The following HERC6 variants were observed in gnomAD, a reference collection of about 807,000 sequenced individuals.
HERC6 encodes the protein probable E3 ubiquitin-protein ligase HERC6.
Under a neutral mutation model 114.5 loss-of-function variants are expected in HERC6, and 101 were observed. That is an observed-to-expected ratio of 0.88 (90% confidence interval 0.75 to 1.04). The LOEUF is 1.04. Among genes scored for constraint, HERC6 ranks in the 50% least tolerant of loss-of-function variants. The pLI, the probability that HERC6 is intolerant of heterozygous loss-of-function variation, is 0.00. For missense variants in HERC6, 1,133 were observed against 1,230.9 expected, an observed-to-expected ratio of 0.92 and a Z score of 1.19; for synonymous variants, 408 against 436.2, an observed-to-expected ratio of 0.94 and a Z score of 0.81.
chr4:88,386,498 G>T (rs1242887160), intron 3 of HERC6, among the ~76,000 whole-genome samples: 1 of 152,100 alleles, frequency 6.6e-6, no homozygotes, highest in African/African-American at 2.4e-5. Flanking sequence ...GAGCCACTGT[G>T]CCCGGTCCCC....
In HERC6 at chr4:88,442,919, T is replaced by C; in HGVS notation, c.*459T>C. The C allele has an allele frequency of 5.5e-6, 1 of 182,942 alleles. No individual in the cohort carries two copies. Among genetic ancestry groups the C allele is most frequent in the Non-Finnish European group, 1.2e-5 (1 of 85,228 alleles). 11.3% of individuals were successfully genotyped at this position (182,942 alleles called of 1,614,324 possible). A position where few individuals can be genotyped will look rare whatever the true frequency, so the allele number is the denominator to read the frequency against. ...GTCTCTAATTGGCTGTGAGTCAGTCTTTCATTTACATAGGGTGTAACCATC... is the reference window on the plus strand; with the variant it reads ...GTCTCTAATTGGCTGTGAGTCAGTCCTTCATTTACATAGGGTGTAACCATC... On this transcript the variant is annotated 3_prime_UTR_variant, in exon 23 of 23. Coordinates refer to ENST00000264346, the MANE Select transcript of HERC6 (RefSeq NM_017912.4).
At chr4:88,424,075 AT>A (rs1560562795) in intron 14 of HERC6, 102 bp downstream of exon 14, 1 of 580,196 alleles carries the variant, frequency 1.7e-6, no homozygotes, top group South Asian at 2.6e-5. Flanking sequence ...GGATTTGAAA[AT>A]TTTTTAATTG....
chr4:88,433,485 C>A (rs974720280), intron 17 of HERC6, among the ~76,000 whole-genome samples: 9 of 152,102 alleles, frequency 5.9e-5, no homozygotes, highest in Admixed American at 2.0e-4. Context: ...TTAATCCACT[C>A]ATGGATTAAT....
chr4:88,383,185 T>C (rs750123624), intron 1 of HERC6, 36 bp from the exon 2 acceptor site: 2 of 1,596,534 alleles, frequency 1.3e-6, no homozygotes, highest in East Asian at 4.5e-5. Flanking sequence ...TAATCTGCAG[T>C]GGTGGTTGGG....
intron 17 of HERC6, 82 bp downstream of exon 17, chr4:88,431,387 G>A: frequency 7.0e-7 from 1 of 1,433,808 alleles, no homozygotes; most frequent in Non-Finnish European, 9.4e-7. Context: ...AGATAGTGGT[G>A]TAAAATTAGG....
In HERC6 at chr4:88,396,160, C is replaced by T. The variant is rs1390294060; in HGVS notation, c.887+18C>T. ...TGTGGAAGGTAATAGGCTTCTTCTT[C>T]TTCTTTTTCTTAGCATGTGTAGAAA... is the stretch of plus-strand genomic sequence containing the variant. On this transcript the variant is annotated intron_variant, in intron 6 of 22. Transcript: ENST00000264346. 1 of 1,540,846 alleles carries T rather than the reference C, an allele frequency of 6.5e-7. No individual in the cohort carries two copies. Among genetic ancestry groups the T allele is most frequent in the Admixed American group, 2.1e-5 (1 of 47,936 alleles).
intron 12 of HERC6, among the ~76,000 whole-genome samples, chr4:88,416,797 A>T (rs1444599346): frequency 1.3e-5 from 2 of 152,038 alleles, no homozygotes; most frequent in Non-Finnish European, 2.9e-5. Flanking sequence ...TGGAATCTCT[A>T]TGTGTTTGCT....
At chr4:88,427,939 C>T (rs1030003025) in intron 15 of HERC6, among the ~76,000 whole-genome samples, 2 of 152,154 alleles carry the variant, frequency 1.3e-5, no homozygotes, top group Non-Finnish European at 2.9e-5. Context: ...AATAGTGAGA[C>T]AATGTTGAGA....
At position 88,406,807 on chromosome 4, in the gene HERC6, G is replaced by A. The variant is rs192053761; in HGVS notation, c.1274+1194G>A. Reference sequence around the variant, plus strand: ...GAAGTCTCACTCTGTCACCCAGGCCGGAGTGCAGTAGTGCAGCTCGGCTCA... The same window carrying A: ...GAAGTCTCACTCTGTCACCCAGGCCAGAGTGCAGTAGTGCAGCTCGGCTCA... On this transcript the variant is annotated intron_variant, in intron 10 of 22. Transcript: ENST00000264346. Among the ~76,000 whole-genome samples the A allele has an allele frequency of 4.0e-3, 584 of 146,450 alleles. 4 individuals are homozygous for A. The highest frequency in any genetic ancestry group is 0.014 in the African/African-American group (545 of 39,650).
chr4:88,402,489 C>T (rs901446500), intron 8 of HERC6, among the ~76,000 whole-genome samples: 1 of 152,124 alleles, frequency 6.6e-6, no homozygotes, highest in East Asian at 1.9e-4. Flanking sequence ...TCAGTAGTGT[C>T]AGTTTAAAAA....
At chr4:88,395,684 A>C (rs1470324628) in intron 5 of HERC6, among the ~76,000 whole-genome samples, 1 of 148,312 alleles carries the variant, frequency 6.7e-6, no homozygotes, top group South Asian at 2.1e-4. Context: ...AATGCTAATG[A>C]TTTTTTTTTT....
At chr4:88,441,042 C>A (rs1739298871) in intron 22 of HERC6, among the ~76,000 whole-genome samples, 1 of 152,014 alleles carries the variant, frequency 6.6e-6, no homozygotes, top group African/African-American at 2.4e-5. Context: ...TTACTCAAGC[C>A]TGTTTCTTTT....
At chr4:88,397,116 A>AT (rs1323557819) in intron 7 of HERC6, 129 bp downstream of exon 7, 6 of 736,936 alleles carry the variant, frequency 8.1e-6, no homozygotes, top group Non-Finnish European at 1.1e-5. Flanking sequence ...ATTTTTATTT[A>AT]TTTATTTTTT....
chr4:88,436,821 G>A, intron 18 of HERC6, 84 bp from the exon 19 acceptor site: 1 of 899,678 alleles, frequency 1.1e-6, no homozygotes. Context: ...TTTCTATATT[G>A]TTCACAACTT....
At chr4:88,401,156 TG>T (rs1242568985) in intron 8 of HERC6, among the ~76,000 whole-genome samples, 1 of 152,014 alleles carries the variant, frequency 6.6e-6, no homozygotes, top group Non-Finnish European at 1.5e-5. Context: ...AATTTTGATG[TG>T]AAGAGAATAG....
rs1330593950 is a variant in HERC6, at chr4:88,436,896, C to T, written c.2418-9C>T. ...TAAATATAATTTTTAAAACCAAAAT[C>T]TTCATTAGGAGTTTGCAAGAAGTTC... On this transcript the variant is annotated splice_polypyrimidine_tract_variant and intron_variant, in intron 18 of 22. Transcript: ENST00000264346. The T allele has an allele frequency of 6.3e-7, 1 of 1,587,180 alleles. No individual in the cohort carries two copies. The highest frequency in any genetic ancestry group is 2.3e-5 in the East Asian group (1 of 44,320).
At chr4:88,421,447 TTTTC>T (rs1355872335) in intron 13 of HERC6, among the ~76,000 whole-genome samples, 41 of 146,286 alleles carry the variant, frequency 2.8e-4, no homozygotes, top group African/African-American at 8.9e-4. Context: ...TTTTCTTTTC[TTTTC>T]TTTTTTTTTT....
At chr4:88,385,794 T>A (rs1183106982) in intron 3 of HERC6, among the ~76,000 whole-genome samples, 1 of 152,204 alleles carries the variant, frequency 6.6e-6, no homozygotes, top group African/African-American at 2.4e-5. Flanking sequence ...TGTCTCTGGT[T>A]ATTTGACCTA....
In HERC6 at chr4:88,421,456, T is replaced by C. The variant is rs576745617; in HGVS notation, c.1714-2404T>C. On this transcript the variant is annotated intron_variant, in intron 13 of 22. Coordinates refer to ENST00000264346, the MANE Select transcript of HERC6 (RefSeq NM_017912.4). ...GTTCTTTTTTCTTTTCTTTTCTTTT[T>C]TTTTTTTTTGAGACGGATTCTTGCT... 6.3e-3 allele frequency among the ~76,000 whole-genome samples: 946 copies of C among 151,274 alleles called. 5 individuals carry two copies. Among genetic ancestry groups the C allele is most frequent in the Middle Eastern group, 0.051 (15 of 294 alleles).
Sources: gnomAD v4.1 joint callset for allele counts (sites outside exome capture counted in the v4.1 genomes callset) on GRCh38, gnomAD v4.1.1 for gene constraint, MANE v1.5 for transcripts, NCBI Gene and HGNC (gene_info 2026-07-23, HGNC 2026-07-21) for gene names.